Variants in TUSC3 observed in about 807,000 individuals in gnomAD.
TUSC3 encodes the protein dolichyl-diphosphooligosaccharide--protein glycosyltransferase subunit TUSC3.
TUSC3 carries 45 observed loss-of-function variants against 44.8 expected under a neutral mutation model. That is an observed-to-expected ratio of 1.00 (90% CI 0.79 to 1.29). The LOEUF (loss-of-function observed/expected upper bound fraction) is 1.29, where lower values mean the gene tolerates loss of function less well. Among genes scored for constraint, TUSC3 ranks in the 50% most tolerant of loss-of-function variants. The pLI, the probability that TUSC3 is intolerant of heterozygous loss-of-function variation, is 0.00. For synonymous variants in TUSC3, 212 were observed against 152.9 expected, an observed-to-expected ratio of 1.39 and a Z score of -2.85; for missense variants, 519 against 437.9, an observed-to-expected ratio of 1.19 and a Z score of -1.65.
chr8:15,685,142 C>G (rs935796504), intron 6 of TUSC3, among the ~76,000 whole-genome samples: 1 of 152,190 alleles, frequency 6.6e-6, no homozygotes, highest in Non-Finnish European at 1.5e-5. Context: ...CAAGTTTGAG[C>G]TGTGCTTCTG....
At chr8:15,779,796 A>G in the TUSC3 span, among the ~76,000 whole-genome samples, 2 of 152,206 alleles carry the variant, frequency 1.3e-5, no homozygotes, top group Non-Finnish European at 2.9e-5. Context: ...AGGAAACTCA[A>G]CATCTACCTC....
intron 1 of TUSC3, among the ~76,000 whole-genome samples, chr8:15,582,521 C>T (rs542881658): frequency 2.8e-4 from 42 of 152,082 alleles, no homozygotes; most frequent in Admixed American, 7.9e-4. Context: ...TTTTAAATGG[C>T]AGTTAAAAAT....
At chr8:15,772,873 C>G in the TUSC3 span, among the ~76,000 whole-genome samples, 23 of 152,088 alleles carry the variant, frequency 1.5e-4, no homozygotes, top group Non-Finnish European at 3.2e-4. Context: ...GTGTAACACA[C>G]CACATGAACA....
intron 2 of TUSC3, among the ~76,000 whole-genome samples, chr8:15,507,981 C>G (rs968364572): frequency 6.6e-6 from 1 of 152,150 alleles, no homozygotes; most frequent in African/African-American, 2.4e-5. Context: ...GTAGCTCAGG[C>G]CTGTAATCCC....
In TUSC3 at chr8:15,423,969, G is replaced by GTTTTTTTT. The variant is rs112397215; in HGVS notation, n.91+6695_91+6702dup. Among the ~76,000 whole-genome samples, 117 of 70,354 alleles carry GTTTTTTTT rather than the reference G, an allele frequency of 1.7e-3. 8 individuals carry two copies. Among genetic ancestry groups the GTTTTTTTT allele is most frequent in the Non-Finnish European group, 2.1e-3 (68 of 31,942 alleles). 46.2% of individuals were successfully genotyped at this position (70,354 alleles called of 152,430 possible). A position where few individuals can be genotyped will look rare whatever the true frequency, so the allele number is the denominator to read the frequency against. ...TACAGCATTCATACTGTTTTGCTTT[G>GTTTTTTTT]TTTTTTTTTTTTTTTTTTTTTTTTT... is the stretch of plus-strand genomic sequence containing the variant. On this transcript the variant is annotated intron_variant and non_coding_transcript_variant, in intron 1 of 5. Transcript: ENST00000503191.
chr8:15,418,728 A>G (rs1799690377), intron 1 of TUSC3, among the ~76,000 whole-genome samples: 1 of 152,222 alleles, frequency 6.6e-6, no homozygotes, highest in Non-Finnish European at 1.5e-5. Context: ...AGATTAGGCC[A>G]GGCACAGTGG....
intron 10 of TUSC3, among the ~76,000 whole-genome samples, chr8:15,759,053 C>T (rs1172297341): frequency 3.3e-5 from 5 of 152,136 alleles, no homozygotes; most frequent in South Asian, 4.1e-4. Flanking sequence ...ATGTACTTCT[C>T]GCTAGCATTC....
At chr8:15,449,657 C>G (rs1800167186) in intron 1 of TUSC3, among the ~76,000 whole-genome samples, 1 of 152,122 alleles carries the variant, frequency 6.6e-6, no homozygotes, top group Admixed American at 6.5e-5. Flanking sequence ...CACAGGAATT[C>G]AGCCTCCACC....
At chr8:15,764,112 T>A in intron 10 of TUSC3, 91 bp from the exon 11 acceptor site, 1 of 1,252,828 alleles carries the variant, frequency 8.0e-7, no homozygotes, top group South Asian at 1.3e-5. Context: ...AATGTTATAT[T>A]TACATGTGCT....
At chr8:15,830,497 A>C in the TUSC3 span, among the ~76,000 whole-genome samples, 1 of 152,184 alleles carries the variant, frequency 6.6e-6, no homozygotes, top group African/African-American at 2.4e-5. Flanking sequence ...TAGCAAGGTC[A>C]TGTAATCAAT....
At chr8:15,683,601 C>T (rs1005166146) in intron 6 of TUSC3, among the ~76,000 whole-genome samples, 4 of 152,176 alleles carry the variant, frequency 2.6e-5, no homozygotes, top group African/African-American at 9.6e-5. Context: ...CATTGAGCTT[C>T]TTTGCCGTCC....
At chr8:15,665,635 T>G (rs1470730501) in intron 5 of TUSC3, among the ~76,000 whole-genome samples, 1 of 151,214 alleles carries the variant, frequency 6.6e-6, no homozygotes, top group African/African-American at 2.4e-5. Flanking sequence ...AATATTAATA[T>G]GTGGAAGTAA....
intron 1 of TUSC3, among the ~76,000 whole-genome samples, chr8:15,464,981 G>C (rs1987902): frequency 0.51 from 77,573 of 151,808 alleles, 21,248 homozygotes; most frequent in African/African-American, 0.71. Flanking sequence ...TCCCAAGTAG[G>C]TGGGATTACA....
intron 9 of TUSC3, among the ~76,000 whole-genome samples, chr8:15,757,026 C>T (rs186508849): frequency 6.8e-4 from 104 of 152,178 alleles, no homozygotes; most frequent in African/African-American, 2.4e-3. Context: ...GTCCCAGCTA[C>T]TGGGGAAGCT....
chr8:15,749,591 A>C (rs1811602772), intron 9 of TUSC3, among the ~76,000 whole-genome samples: 1 of 151,940 alleles, frequency 6.6e-6, no homozygotes, highest in South Asian at 2.1e-4. Flanking sequence ...ATCTGTTCTG[A>C]GGGCAGCAAG....
At chr8:15,836,242 A>G in the TUSC3 span, among the ~76,000 whole-genome samples, 1 of 151,740 alleles carries the variant, frequency 6.6e-6, no homozygotes, top group Non-Finnish European at 1.5e-5. Flanking sequence ...TTGGGAGGCT[A>G]AGGTGGGTGG....
At chr8:15,818,043 T>C in the TUSC3 span, among the ~76,000 whole-genome samples, 1 of 152,172 alleles carries the variant, frequency 6.6e-6, no homozygotes, top group Non-Finnish European at 1.5e-5. Flanking sequence ...GCAGTCAAGA[T>C]GAAAATAAAA....
intron 1 of TUSC3, among the ~76,000 whole-genome samples, chr8:15,460,444 A>G (rs1158680338): frequency 6.6e-6 from 1 of 152,060 alleles, no homozygotes; most frequent in African/African-American, 2.4e-5. Context: ...GTCCTTTGTC[A>G]TATGTATAGA....
chr8:15,839,982 G>A, the TUSC3 span, among the ~76,000 whole-genome samples: 14 of 152,258 alleles, frequency 9.2e-5, no homozygotes, highest in South Asian at 4.1e-4. Flanking sequence ...CAACCCAAAT[G>A]TCCATCAATG....
Sources: gnomAD v4.1 joint callset for allele counts (sites outside exome capture counted in the v4.1 genomes callset) on GRCh38, gnomAD v4.1.1 for gene constraint, MANE v1.5 for transcripts, NCBI Gene and HGNC (gene_info 2026-07-23, HGNC 2026-07-21) for gene names.